Variants in ARHGAP15 observed in about 807,000 individuals in gnomAD.
ARHGAP15 encodes the protein Rho GTPase activating protein 15.
Under a neutral mutation model 63.7 loss-of-function variants are expected in ARHGAP15, and 51 were observed. The observed-to-expected ratio is 0.80, with a 90% CI of 0.64 to 1.01. The LOEUF (loss-of-function observed/expected upper bound fraction) is 1.01. ARHGAP15 is among the 50% of genes least tolerant of loss of function. The pLI is 0.00. For missense variants in ARHGAP15, 560 were observed against 564.6 expected, an observed-to-expected ratio of 0.99 and a Z score of 0.08; for synonymous variants, 191 against 193.8, an observed-to-expected ratio of 0.99 and a Z score of 0.12.
At chr2:143,511,019 CAG>C (rs1693561008) in intron 9 of ARHGAP15, among the ~76,000 whole-genome samples, 1 of 152,212 alleles carries the variant, frequency 6.6e-6, no homozygotes, top group Non-Finnish European at 1.5e-5. Context: ...ATCTGACTGA[CAG>C]AGATCCCATT....
intron 1 of ARHGAP15, among the ~76,000 whole-genome samples, chr2:143,138,159 A>G (rs1187881424): frequency 6.6e-6 from 1 of 152,120 alleles, no homozygotes; most frequent in Non-Finnish European, 1.5e-5. Context: ...CATCATAGCT[A>G]TGACTTACTC....
At chr2:143,598,718 C>G (rs983874180) in intron 11 of ARHGAP15, among the ~76,000 whole-genome samples, 6 of 151,976 alleles carry the variant, frequency 3.9e-5, no homozygotes, top group African/African-American at 1.5e-4. Context: ...TCAGCCTGGA[C>G]AGCAAAGCAA....
intron 6 of ARHGAP15, among the ~76,000 whole-genome samples, chr2:143,409,506 A>G (rs989393470): frequency 2.0e-5 from 3 of 152,056 alleles, no homozygotes; most frequent in African/African-American, 7.2e-5. Flanking sequence ...TACATGATTT[A>G]AGATCATTCC....
At chr2:143,456,108 G>A (rs1386985493) in intron 8 of ARHGAP15, among the ~76,000 whole-genome samples, 6 of 152,070 alleles carry the variant, frequency 3.9e-5, no homozygotes, top group East Asian at 1.9e-4. Context: ...AAATCCTGAC[G>A]CTGCCAGAAC....
At chr2:143,352,706 G>T (rs1685623006) in intron 6 of ARHGAP15, among the ~76,000 whole-genome samples, 2 of 152,056 alleles carry the variant, frequency 1.3e-5, no homozygotes, top group Non-Finnish European at 2.9e-5. Flanking sequence ...TTTATCTTTG[G>T]ATTAAATACT....
intron 12 of ARHGAP15, among the ~76,000 whole-genome samples, chr2:143,677,897 G>A (rs1377921985): frequency 6.6e-6 from 1 of 152,186 alleles, no homozygotes; most frequent in Non-Finnish European, 1.5e-5. Context: ...AAGAGAGGAA[G>A]AGAGGCTTTC....
chr2:143,303,417 T>C (rs1004371365), intron 6 of ARHGAP15, among the ~76,000 whole-genome samples: 8 of 151,912 alleles, frequency 5.3e-5, no homozygotes, highest in East Asian at 1.9e-4. Flanking sequence ...CAGCCATATG[T>C]AGAAAGCTGA....
At chr2:143,314,373 AGTT>A (rs1263831555) in intron 6 of ARHGAP15, 1 of 152,212 alleles carries the variant, frequency 6.6e-6, no homozygotes, top group East Asian at 1.9e-4. Context: ...AGGACCAGAT[AGTT>A]ATTTCACTGT....
chr2:143,510,056 C>T (rs927394644), intron 9 of ARHGAP15, among the ~76,000 whole-genome samples: 9 of 128,752 alleles, frequency 7.0e-5, no homozygotes, highest in Non-Finnish European at 5.2e-5. Flanking sequence ...AATAGAAACA[C>T]CATGCTTTGA....
intron 13 of ARHGAP15, among the ~76,000 whole-genome samples, chr2:143,763,138 A>G (rs562892833): frequency 1.0e-3 from 155 of 152,208 alleles, no homozygotes; most frequent in African/African-American, 3.6e-3. Context: ...GAGTGAAATT[A>G]TGGTTTCTAT....
At chr2:143,343,922 C>G (rs1431044345) in intron 6 of ARHGAP15, 1 of 152,074 alleles carries the variant, frequency 6.6e-6, no homozygotes, top group African/African-American at 2.4e-5. Flanking sequence ...TTGACTTTTG[C>G]TGTCTGCCAA....
chr2:143,524,670 A>G (rs1694190089), intron 10 of ARHGAP15, among the ~76,000 whole-genome samples: 1 of 152,234 alleles, frequency 6.6e-6, no homozygotes, highest in African/African-American at 2.4e-5. Context: ...CAAGCCTGTG[A>G]CATTATAAAT....
At chr2:143,216,273 C>A in intron 3 of ARHGAP15, 111 bp from the exon 4 acceptor site, 1 of 764,904 alleles carries the variant, frequency 1.3e-6, no homozygotes, top group Non-Finnish European at 2.2e-6. Context: ...TAATAAAGTT[C>A]TATGACTGAA....
chr2:143,198,551 G>C (rs373694743), intron 2 of ARHGAP15, among the ~76,000 whole-genome samples: 1 of 151,914 alleles, frequency 6.6e-6, no homozygotes, highest in Non-Finnish European at 1.5e-5. Context: ...GAAACCTTAG[G>C]ATTTTATAAA....
At chr2:143,752,443 C>G (rs991819346) in intron 13 of ARHGAP15, among the ~76,000 whole-genome samples, 1 of 152,166 alleles carries the variant, frequency 6.6e-6, no homozygotes, top group Admixed American at 6.5e-5. Flanking sequence ...TAATTCACCA[C>G]CAGGGTGAGT....
intron 11 of ARHGAP15, among the ~76,000 whole-genome samples, chr2:143,576,126 T>C (rs1246960535): frequency 1.3e-5 from 2 of 152,164 alleles, no homozygotes; most frequent in Admixed American, 1.3e-4. Context: ...CTCTATCTCT[T>C]ATTTAACTAC....
rs186444596 is a variant in ARHGAP15 at position 143,483,631 on chromosome 2, C to T, written c.704-3742C>T. On this transcript the variant is annotated intron_variant, in intron 8 of 13. Transcript: ENST00000295095. The stretch of plus-strand genomic sequence containing the variant: ...ATACAGACCTATGGGACTTTGACTA[C>T]AGCTGTCAGTTGAAGCAGATCATAC... 1.2e-4 allele frequency among the ~76,000 whole-genome samples: 19 copies of T among 152,326 alleles called. No individual in the cohort carries two copies. The East Asian group carries it at 2.5e-3, about 20-fold the overall frequency.
At chr2:143,662,823 A>G (rs1681900984) in intron 12 of ARHGAP15, among the ~76,000 whole-genome samples, 1 of 127,842 alleles carries the variant, frequency 7.8e-6, no homozygotes, top group East Asian at 2.3e-4. Context: ...CAGCAATGGA[A>G]GATGAAATGA....
At chr2:143,690,058 G>A (rs1048732646) in intron 12 of ARHGAP15, among the ~76,000 whole-genome samples, 14 of 152,296 alleles carry the variant, frequency 9.2e-5, no homozygotes, top group African/African-American at 2.9e-4. Context: ...GTTGGCATAG[G>A]CCTGGAGGCT....
Sources: allele counts gnomAD v4.1 joint callset (sites outside exome capture counted in the v4.1 genomes callset), GRCh38; gene constraint gnomAD v4.1.1; transcripts MANE v1.5; gene names NCBI Gene and HGNC (gene_info 2026-07-23, HGNC 2026-07-21).